GPHN: variants seen among roughly 807,000 people sequenced by gnomAD.
GPHN encodes gephyrin.
A neutral mutation model predicts 95.5 loss-of-function variants in GPHN; 17 were observed. That is an observed-to-expected ratio of 0.18 (90% CI 0.12 to 0.27). GPHN has a LOEUF of 0.27. Ranked by LOEUF, GPHN falls within the 10% of genes least tolerant of loss-of-function variation. GPHN has a pLI of 1.00. For missense variants in GPHN, 660 were observed against 978.1 expected (o/e 0.67, Z 4.34); for synonymous variants, 320 against 322.5 (o/e 0.99, Z 0.08).
chr14:66,837,111 T>A (rs1191183278), intron 4 of GPHN, among the ~76,000 whole-genome samples: 2 of 151,446 alleles, frequency 1.3e-5, no homozygotes, highest in African/African-American at 2.4e-5. Context: ...CCCAAAGGAT[T>A]ATAAATCATG....
rs116475727 is a variant in GPHN, at chr14:67,165,078, A to T, written c.1911-84A>T. Reference sequence around the variant, plus strand: ...AAAGTGTTTTTTATATGATAAGTGTATGGATTACAAAAACACTGGAGTACT... The same window carrying T: ...AAAGTGTTTTTTATATGATAAGTGTTTGGATTACAAAAACACTGGAGTACT... On this transcript the variant is annotated intron_variant, in intron 19 of 22. Transcript: ENST00000478722. The T allele has an allele frequency of 1.4e-3, 1,310 of 914,474 alleles. 11 individuals are homozygous for T. The African/African-American group carries it at 0.018, about 13-fold the overall frequency. The allele number at this position is 914,474 out of a possible 1,614,324, so 56.6% of individuals were successfully genotyped here. A position where few individuals can be genotyped will look rare whatever the true frequency, so the allele number is the denominator to read the frequency against.
At chr14:66,783,357 A>G (rs1212370184) in intron 3 of GPHN, among the ~76,000 whole-genome samples, 1 of 151,908 alleles carries the variant, frequency 6.6e-6, no homozygotes, top group Non-Finnish European at 1.5e-5. Context: ...TTTCCTGGCT[A>G]TGATATTAAA....
At chr14:67,459,250 T>C in the GPHN span, among the ~76,000 whole-genome samples, 1 of 151,998 alleles carries the variant, frequency 6.6e-6, no homozygotes, top group Non-Finnish European at 1.5e-5. Flanking sequence ...CCCAGGCTGG[T>C]CTTGAACCCC....
the GPHN span, chr14:67,376,711 G>A: frequency 9.6e-7 from 1 of 1,044,768 alleles, no homozygotes; most frequent in South Asian, 1.6e-5. Flanking sequence ...TTTTGTATTG[G>A]CCAGTAAATG....
At chr14:67,015,098 A>C (rs992563935) in intron 9 of GPHN, among the ~76,000 whole-genome samples, 4 of 152,238 alleles carry the variant, frequency 2.6e-5, no homozygotes, top group Non-Finnish European at 5.9e-5. Context: ...AGAACAAATA[A>C]GGAACTCACC....
At chr14:66,771,000 A>C (rs2153457986) in intron 2 of GPHN, among the ~76,000 whole-genome samples, 1 of 152,252 alleles carries the variant, frequency 6.6e-6, no homozygotes, top group East Asian at 1.9e-4. Context: ...AAAGATTCAA[A>C]TGGGATGAAT....
chr14:66,871,076 C>T (rs778056331), intron 4 of GPHN, among the ~76,000 whole-genome samples: 2 of 152,176 alleles, frequency 1.3e-5, no homozygotes, highest in Non-Finnish European at 1.5e-5. Flanking sequence ...GCAATTCTCA[C>T]GTATCATTTG....
chr14:67,686,872 T>G, the GPHN span, among the ~76,000 whole-genome samples: 1 of 152,182 alleles, frequency 6.6e-6, no homozygotes, highest in African/African-American at 2.4e-5. Context: ...TGTAAAGCTT[T>G]GAAGAAACAG....
At chr14:66,551,677 G>T (rs2059816609) in intron 1 of GPHN, among the ~76,000 whole-genome samples, 1 of 152,184 alleles carries the variant, frequency 6.6e-6, no homozygotes, top group African/African-American at 2.4e-5. Flanking sequence ...TGCTCCACAG[G>T]CTGTACAGGA....
rs184165417 is a variant in GPHN, at chr14:66,824,358, T to C, written c.202-116T>C. The C allele has an allele frequency of 1.1e-3, 718 of 634,670 alleles. 1 individual carries two copies. Among genetic ancestry groups the C allele is most frequent in the Non-Finnish European group, 1.7e-3 (590 of 340,980 alleles). The allele number at this position is 634,670 out of a possible 1,614,324, so 39.3% of individuals were successfully genotyped here. ...GAATTGTGCTTAGAAATTTTCTTAC[T>C]GACTGTTGAAAAGAATCTGTGTTTC... On this transcript the variant is annotated intron_variant, in intron 3 of 22. Transcript: ENST00000478722.
the GPHN span, among the ~76,000 whole-genome samples, chr14:67,368,211 A>C: frequency 6.6e-6 from 1 of 152,170 alleles, no homozygotes; most frequent in East Asian, 1.9e-4. Context: ...AGCAGCGTAA[A>C]CGGCTTGCAG....
At chr14:67,432,197 A>G in the GPHN span, among the ~76,000 whole-genome samples, 1 of 152,212 alleles carries the variant, frequency 6.6e-6, no homozygotes, top group African/African-American at 2.4e-5. Flanking sequence ...TGTTGGCCCT[A>G]AATCATTATT....
intron 11 of GPHN, among the ~76,000 whole-genome samples, chr14:67,062,411 G>A (rs1418630529): frequency 1.3e-5 from 2 of 152,196 alleles, no homozygotes; most frequent in African/African-American, 2.4e-5. Context: ...AGCCCTTAGA[G>A]GAAAGCCAGT....
intron 4 of GPHN, among the ~76,000 whole-genome samples, chr14:66,829,888 T>C (rs147758854): frequency 9.9e-5 from 15 of 151,806 alleles, no homozygotes; most frequent in Admixed American, 9.8e-4. Flanking sequence ...GCCTGTCACC[T>C]TTTTTTTGCA....
the GPHN span, among the ~76,000 whole-genome samples, chr14:67,500,081 C>A: frequency 6.6e-6 from 1 of 152,086 alleles, no homozygotes; most frequent in Non-Finnish European, 1.5e-5. Context: ...GCCCGTAGTC[C>A]CAGCTACTCA....
At chr14:66,630,001 AT>A (rs1309730154) in intron 1 of GPHN, among the ~76,000 whole-genome samples, 1 of 152,176 alleles carries the variant, frequency 6.6e-6, no homozygotes, top group Non-Finnish European at 1.5e-5. Flanking sequence ...TTAGCATGTT[AT>A]TTTAATTAAA....
chr14:67,436,118 A>T, the GPHN span, among the ~76,000 whole-genome samples: 2 of 152,184 alleles, frequency 1.3e-5, no homozygotes, highest in Admixed American at 6.5e-5. Flanking sequence ...CTTTACTGGA[A>T]ACTACTGATC....
chr14:67,577,172 C>G, the GPHN span: 1 of 672,746 alleles, frequency 1.5e-6, no homozygotes, highest in Non-Finnish European at 2.6e-6. Context: ...GATGATAAAC[C>G]CAGCACAACC....
At chr14:67,564,586 T>A in the GPHN span, among the ~76,000 whole-genome samples, 1 of 152,138 alleles carries the variant, frequency 6.6e-6, no homozygotes, top group Non-Finnish European at 1.5e-5. Context: ...GCCTTCTAAG[T>A]AGCTGGGACT....
Sources: allele counts gnomAD v4.1 joint callset (sites outside exome capture counted in the v4.1 genomes callset), GRCh38; gene constraint gnomAD v4.1.1; transcripts MANE v1.5; gene names NCBI Gene and HGNC (gene_info 2026-07-23, HGNC 2026-07-21).